Variants in LYN observed in about 807,000 individuals in gnomAD.
LYN encodes LYN proto-oncogene, Src family tyrosine kinase.
Under a neutral mutation model 65.0 loss-of-function variants are expected in LYN, and 12 were observed. That is an observed-to-expected ratio of 0.18 (90% CI 0.12 to 0.30). The LOEUF is 0.30. Ranked by LOEUF, LYN falls within the 10% of genes least tolerant of loss-of-function variation. The pLI, the probability that LYN is intolerant of heterozygous loss-of-function variation, is 1.00. For synonymous variants in LYN, 222 were observed against 221.2 expected, an observed-to-expected ratio of 1.00 and a Z score of -0.03; for missense variants, 380 against 623.2, an observed-to-expected ratio of 0.61 and a Z score of 4.16.
chr8:55,884,556 A>G (rs1804737883), intron 1 of LYN, among the ~76,000 whole-genome samples: 2 of 152,030 alleles, frequency 1.3e-5, no homozygotes, highest in Admixed American at 1.3e-4. Flanking sequence ...CCTGGATTCA[A>G]GTGATTCTCC....
chr8:55,893,148 C>T (rs938618781), intron 1 of LYN, among the ~76,000 whole-genome samples: 2 of 152,200 alleles, frequency 1.3e-5, no homozygotes, highest in Non-Finnish European at 2.9e-5. Flanking sequence ...AGCAAGACCT[C>T]GTCCTGTTTT....
At chr8:55,889,403 A>C (rs1002838290) in intron 1 of LYN, among the ~76,000 whole-genome samples, 1 of 152,126 alleles carries the variant, frequency 6.6e-6, no homozygotes, top group African/African-American at 2.4e-5. Context: ...GGGTTTGGCC[A>C]TGTTGGCCAG....
In LYN at chr8:55,911,234, C is replaced by CAT. The variant is rs1179112232; in HGVS notation, c.-5-30611_-5-30610dup. On this transcript the variant is annotated intron_variant, in intron 1 of 12. Coordinates refer to ENST00000519728, the MANE Select transcript of LYN (RefSeq NM_002350.4). ...ACACGTGTATATATATATACATATA[C>CAT]ATATATATATACGTGTGTGTGTGTA... Among the ~76,000 whole-genome samples, 18 of 8,510 alleles carry CAT rather than the reference C, an allele frequency of 2.1e-3. 6 individuals are homozygous for CAT. The highest frequency in any genetic ancestry group is 4.8e-3 in the Admixed American group (3 of 622). The allele number at this position is 8,510 out of a possible 152,430, so 5.6% of individuals were successfully genotyped here.
intron 7 of LYN, 44 bp downstream of exon 7, chr8:55,952,159 AT>A: frequency 6.7e-7 from 1 of 1,502,136 alleles, no homozygotes; most frequent in Non-Finnish European, 9.0e-7. Flanking sequence ...TATATTTGTT[AT>A]GATATGTATA....
At chr8:55,991,053 C>G (rs1808233758) in intron 10 of LYN, among the ~76,000 whole-genome samples, 1 of 152,168 alleles carries the variant, frequency 6.6e-6, no homozygotes, top group Admixed American at 6.5e-5. Context: ...GACACGCCGG[C>G]AGTACTACCA....
intron 1 of LYN, among the ~76,000 whole-genome samples, chr8:55,915,560 G>T (rs1167993224): frequency 6.6e-6 from 1 of 152,118 alleles, no homozygotes; most frequent in Non-Finnish European, 1.5e-5. Context: ...CAAAAAATTA[G>T]CTGGGCATGG....
At chr8:56,005,767 C>A (rs1304249069) in intron 12 of LYN, among the ~76,000 whole-genome samples, 1 of 152,160 alleles carries the variant, frequency 6.6e-6, no homozygotes, top group East Asian at 1.9e-4. Context: ...GATTATATTT[C>A]TCTATCAATT....
chr8:55,977,196 T>A (rs373944750), intron 10 of LYN, among the ~76,000 whole-genome samples: 1,541 of 151,590 alleles, frequency 0.01, 18 homozygotes, highest in Non-Finnish European at 0.012. Context: ...AAAAAAAAAA[T>A]AAAAATAAAA....
chr8:56,005,357 G>C (rs998622323), intron 12 of LYN, among the ~76,000 whole-genome samples: 15 of 152,254 alleles, frequency 9.9e-5, no homozygotes, highest in African/African-American at 3.6e-4. Context: ...ACCTCCACTT[G>C]GGCCTAGCAT....
chr8:55,936,212 T>C (rs1442427721), intron 1 of LYN, among the ~76,000 whole-genome samples: 1 of 152,236 alleles, frequency 6.6e-6, no homozygotes, highest in Non-Finnish European at 1.5e-5. Context: ...TTGTTTCAGA[T>C]AGACACCACC....
chr8:55,967,552 G>A (rs756764174), intron 9 of LYN, among the ~76,000 whole-genome samples: 4 of 152,070 alleles, frequency 2.6e-5, no homozygotes, highest in Admixed American at 6.5e-5. Flanking sequence ...CTGAGCTCAG[G>A]CAATCTGCCT....
intron 1 of LYN, among the ~76,000 whole-genome samples, chr8:55,897,349 A>G (rs146806354): frequency 6.6e-6 from 1 of 152,262 alleles, no homozygotes; most frequent in African/African-American, 2.4e-5. Context: ...ATAATAAGCT[A>G]CATGCTTCTG....
intron 10 of LYN, among the ~76,000 whole-genome samples, chr8:55,972,789 T>G (rs1426017522): frequency 6.6e-6 from 1 of 152,214 alleles, no homozygotes; most frequent in Non-Finnish European, 1.5e-5. Context: ...ATCCAACCTT[T>G]TCTATACCTT....
intron 2 of LYN, 80 bp downstream of exon 2, chr8:55,942,071 T>C: frequency 2.1e-6 from 3 of 1,445,410 alleles, no homozygotes; most frequent in South Asian, 1.3e-5. Flanking sequence ...GTCTGTAATA[T>C]GTGCATGCAA....
chr8:55,932,121 A>G lies in LYN; in HGVS notation c.-5-9734A>G, dbSNP rs76911350. On this transcript the variant is annotated intron_variant, in intron 1 of 12. Coordinates refer to ENST00000519728, the MANE Select transcript of LYN (RefSeq NM_002350.4). ...GAACCATCCTGAAATAAGGAAAGGA[A>G]GTGTTCCTGTGCATAGGGATACCAG... Among the ~76,000 whole-genome samples the G allele has an allele frequency of 3.6e-3, 549 of 152,310 alleles. 8 individuals carry two copies. The highest frequency in any genetic ancestry group is 0.013 in the African/African-American group (525 of 41,558).
intron 1 of LYN, among the ~76,000 whole-genome samples, chr8:55,894,496 A>G (rs1805036774): frequency 6.6e-6 from 1 of 151,186 alleles, no homozygotes; most frequent in African/African-American, 2.4e-5. Flanking sequence ...TAGCCTCCCA[A>G]GTAGCTGAGA....
chr8:55,917,022 C>T (rs1394844279), intron 1 of LYN, among the ~76,000 whole-genome samples: 1 of 151,828 alleles, frequency 6.6e-6, no homozygotes, highest in Admixed American at 6.6e-5. Flanking sequence ...ACTAAAAATA[C>T]AAAAATTAGC....
intron 10 of LYN, among the ~76,000 whole-genome samples, chr8:55,985,978 G>A (rs1365748480): frequency 6.6e-6 from 1 of 152,106 alleles, no homozygotes; most frequent in Non-Finnish European, 1.5e-5. Flanking sequence ...ACCCGCCTGG[G>A]CAATATAGTG....
chr8:55,973,716 G>A (rs1585655263), intron 10 of LYN, among the ~76,000 whole-genome samples: 1 of 152,290 alleles, frequency 6.6e-6, no homozygotes, highest in South Asian at 2.1e-4. Context: ...TTACTCTTTG[G>A]TGGCGGTATC....
Sources: gnomAD v4.1 joint callset for allele counts (sites outside exome capture counted in the v4.1 genomes callset) on GRCh38, gnomAD v4.1.1 for gene constraint, MANE v1.5 for transcripts, NCBI Gene and HGNC (gene_info 2026-07-23, HGNC 2026-07-21) for gene names.